The following AURKC variants were observed in gnomAD, a reference collection of about 807,000 sequenced individuals.
AURKC encodes the protein ARK-3.
AURKC carries 15 observed loss-of-function variants against 29.2 expected under a neutral mutation model. That is an observed-to-expected ratio of 0.51 (90% CI 0.34 to 0.79). The LOEUF (loss-of-function observed/expected upper bound fraction) is 0.79. AURKC is among the 30% of genes least tolerant of loss of function. The pLI, the probability that AURKC is intolerant of heterozygous loss-of-function variation, is 0.01. For synonymous variants in AURKC, 150 were observed against 149.9 expected (o/e 1.00, Z -0.01); for missense variants, 332 against 383.2 (o/e 0.87, Z 1.12).
chr19:57,234,326 G>A (rs141269973), intron 5 of AURKC, among the ~76,000 whole-genome samples: 1,883 of 152,282 alleles, frequency 0.012, 18 homozygotes, highest in Middle Eastern at 0.041. Context: ...AAAGTGCTGG[G>A]ATCATAGGCA....
chr19:57,231,448 C>T, intron 1 of AURKC, 142 bp downstream of exon 1: 4 of 984,368 alleles, frequency 4.1e-6, no homozygotes, highest in Non-Finnish European at 6.2e-6. Flanking sequence ...TCCCTCCCTT[C>T]CCTCCAATTC....
rs780948811 is a variant in AURKC at position 57,231,748 on chromosome 19, C to T, written c.65C>T (p.Thr22Ile). 3 of 1,613,944 alleles carry T rather than the reference C, an allele frequency of 1.9e-6. No homozygotes were observed. Among genetic ancestry groups the T allele is most frequent in the Non-Finnish European group, 2.5e-6 (3 of 1,180,016 alleles). Residue 22 changes from threonine (T) to isoleucine (I), a missense_variant, in exon 2 of 7, where the codon ACA (threonine) becomes ATA (isoleucine). Transcript: ENST00000302804. ...KAQPAGEELATANQTAQQPSS... is the reference protein window; with the variant it reads ...KAQPAGEELAIANQTAQQPSS... The stretch of plus-strand genomic sequence containing the variant: ...TCCTCCTCCTCTCTTTCAGTGGCTA[C>T]AGCAAACCAAACAGCCCAGCAGCCC...
At chr19:57,231,839 G>A in intron 2 of AURKC, 52 bp downstream of exon 2, 2 of 1,614,056 alleles carry the variant, frequency 1.2e-6, no homozygotes, top group Non-Finnish European at 1.7e-6. Flanking sequence ...GGGACGTGGG[G>A]ATGAAGAACA....
rs899153022 is a variant in AURKC at position 57,232,475 on chromosome 19, C to A, written c.297-67C>A. ...ATAATTTGCCACTTGTGTGACCAGG[C>A]AGTGACGGTGGCATCATATGATAGG... On this transcript the variant is annotated intron_variant, in intron 3 of 6. Coordinates refer to ENST00000302804, the MANE Select transcript of AURKC (RefSeq NM_001015878.2). This position sits in a 1 kb window ranked among gnomAD's most constrained non-coding sequence, Gnocchi z 4.5. 6.2e-7 allele frequency: 1 copy of A among 1,608,706 alleles called. No homozygotes were observed. Among genetic ancestry groups the A allele is most frequent in the African/African-American group, 1.3e-5 (1 of 74,828 alleles).
chr19:57,231,360 G>A (rs1038513219), intron 1 of AURKC, 54 bp downstream of exon 1: 1 of 1,544,322 alleles, frequency 6.5e-7, no homozygotes, highest in Non-Finnish European at 8.7e-7. Flanking sequence ...CTGGGCCAGG[G>A]GTCGGGTGCA....
chr19:57,232,686 G>A lies in AURKC; in HGVS notation c.435+6G>A, dbSNP rs1158678792. On this transcript the variant is annotated splice_donor_region_variant and intron_variant, in intron 4 of 6. Transcript: ENST00000302804. The surrounding 1 kb of genome is among the most constrained non-coding windows in gnomAD (Gnocchi z 4.5). ...ATGAACAGCGCACAGCCACGGTGAG[G>A]TGCGGGTCTGGAGGCTCTGGGGTCT... is the stretch of plus-strand genomic sequence containing the variant. 1 of 1,613,208 alleles carries A rather than the reference G, an allele frequency of 6.2e-7. No homozygotes were observed.
In AURKC at chr19:57,231,285, G is replaced by C; in HGVS notation, c.37G>C (p.Ala13Pro). 1 of 1,553,056 alleles carries C rather than the reference G, an allele frequency of 6.4e-7. No homozygotes were observed. Among genetic ancestry groups the C allele is most frequent in the East Asian group, 2.4e-5 (1 of 40,940 alleles). Residue 13 changes from alanine to proline, a missense_variant, in exon 1 of 7, where the codon GCT (alanine) becomes CCT (proline). Coordinates refer to ENST00000302804, the MANE Select transcript of AURKC (RefSeq NM_001015878.2). ...SPRAVVQLGK[A>P]QPAGEELATA... ...CAGAGCTGTGGTGCAGCTGGGCAAAGCTCAACCTGCAGGCGAAGAGTGTGA... is the reference window on the plus strand; with the variant it reads ...CAGAGCTGTGGTGCAGCTGGGCAAACCTCAACCTGCAGGCGAAGAGTGTGA...
chr19:57,231,924 C>A (rs1391244041), intron 2 of AURKC, 109 bp from the exon 3 acceptor site: 2 of 1,600,690 alleles, frequency 1.2e-6, no homozygotes, highest in Non-Finnish European at 1.7e-6. Flanking sequence ...GAAGGGAAAG[C>A]GGCAGAGGAA....
Position 57,231,770 on chromosome 19 carries a change from G to A in AURKC, c.87G>A (p.Gln29=). 2 of 1,613,826 alleles carry A rather than the reference G, an allele frequency of 1.2e-6. No homozygotes were observed. The highest frequency in any genetic ancestry group is 1.7e-6 in the Non-Finnish European group (2 of 1,179,988). ...ELATANQTAQ[Q]PSSPAMRRLT... is the part of the protein sequence containing the mutation. ...CTACAGCAAACCAAACAGCCCAGCA[G>A]CCCAGCAGCCCAGCCATGTGAGTCC... Residue 29 remains glutamine (Q), a synonymous_variant, in exon 2 of 7, where the codon CAG becomes CAA. Transcript: ENST00000302804.
At position 57,232,737 on chromosome 19, in the gene AURKC, G is replaced by T; in HGVS notation, c.435+57G>T. On this transcript the variant is annotated intron_variant, in intron 4 of 6. Transcript: ENST00000302804. The surrounding 1 kb of genome is among the most constrained non-coding windows in gnomAD (Gnocchi z 4.5). ...CTGAGTTTACTGTGGGCTGGTGGGA[G>T]CTCTGTTTGTGGCTGTCAGGAGGGT... The T allele has an allele frequency of 6.2e-7, 1 of 1,610,516 alleles. No individual in the cohort carries two copies. The highest frequency in any genetic ancestry group is 8.5e-7 in the Non-Finnish European group (1 of 1,179,308).
At chr19:57,234,624 A>C (rs951632280) in intron 5 of AURKC, among the ~76,000 whole-genome samples, 5 of 152,212 alleles carry the variant, frequency 3.3e-5, no homozygotes, top group Non-Finnish European at 7.3e-5. Context: ...AATGCTGAGA[A>C]TATTCTTGTG....
Position 57,233,608 on chromosome 19 carries a change from G to C in AURKC, c.584G>C (p.Arg195Thr). The change falls in exon 5 of 7, where the codon AGG (arginine) becomes ACG (threonine). Residue 195 changes from arginine to threonine, a missense_variant and splice_region_variant. By Grantham distance (71) the Arg-to-Thr change is moderately conservative. Coordinates refer to ENST00000302804, the MANE Select transcript of AURKC (RefSeq NM_001015878.2). ...FGWSVHTPSL[R>T]RKTMCGTLDY... The stretch of plus-strand genomic sequence containing the variant: ...TGGTCTGTGCACACCCCCTCCCTGA[G>C]GTAGGTCAGGTGGTGGTGGTAGGGT... 1 of 1,613,610 alleles carries C rather than the reference G, an allele frequency of 6.2e-7. No individual in the cohort carries two copies. The highest frequency in any genetic ancestry group is 1.1e-5 in the South Asian group (1 of 91,046).
At chr19:57,233,335 G>A in intron 4 of AURKC, 125 bp from the exon 5 acceptor site, 2 of 1,368,350 alleles carry the variant, frequency 1.5e-6, no homozygotes, top group Non-Finnish European at 2.1e-6. Flanking sequence ...AATTTAAAAG[G>A]AGGAAATGGA....
At chr19:57,233,338 G>A in intron 4 of AURKC, 122 bp from the exon 5 acceptor site, 1 of 1,397,068 alleles carries the variant, frequency 7.2e-7, no homozygotes. Context: ...TTAAAAGGAG[G>A]AAATGGAGTT....
At position 57,232,374 on chromosome 19, in the gene AURKC, A is replaced by ACCC; in HGVS notation, c.296+151_296+152insCCC. On this transcript the variant is annotated intron_variant, in intron 3 of 6. Transcript: ENST00000302804. This position sits in a 1 kb window ranked among gnomAD's most constrained non-coding sequence, Gnocchi z 4.5. ...CACTACCTCCTACCCTGGGTCAGAC[A>ACCC]CTCGAATCCTGGTTCCTGTTCTCCG... The ACCC allele has an allele frequency of 7.1e-7, 1 of 1,408,860 alleles. No individual in the cohort carries two copies. Among genetic ancestry groups the ACCC allele is most frequent in the Non-Finnish European group, 9.9e-7 (1 of 1,012,800 alleles). The allele number at this position is 1,408,860 out of a possible 1,614,324, so 87.3% of individuals were successfully genotyped here. A position where few individuals can be genotyped will look rare whatever the true frequency, so the allele number is the denominator to read the frequency against.
In AURKC at chr19:57,232,159, G is replaced by T; in HGVS notation, c.231G>T (p.Ser77=). 1 of 1,614,052 alleles carries T rather than the reference G, an allele frequency of 6.2e-7. No individual in the cohort carries two copies. Among genetic ancestry groups the T allele is most frequent in the Non-Finnish European group, 8.5e-7 (1 of 1,179,996 alleles). ...TGGCCCTGAAGGTTCTCTTCAAGTC[G>T]CAGATAGAGAAGGAAGGACTGGAGC... is the stretch of plus-strand genomic sequence containing the variant. ...FIVALKVLFK[S]QIEKEGLEHQ... The change falls in exon 3 of 7, where the codon TCG becomes TCT. Residue 77 remains serine, a synonymous_variant. Coordinates refer to ENST00000302804, the MANE Select transcript of AURKC (RefSeq NM_001015878.2). This position sits in a 1 kb window ranked among gnomAD's most constrained non-coding sequence, Gnocchi z 4.5.
At position 57,232,461 on chromosome 19, in the gene AURKC, C is replaced by G. The variant is rs78597513; in HGVS notation, c.297-81C>G. The G allele has an allele frequency of 3.1e-4, 499 of 1,604,330 alleles. No individual in the cohort carries two copies. The East Asian group carries it at 4.3e-3, about 14-fold the overall frequency. The stretch of plus-strand genomic sequence containing the variant: ...ATTCTGGTCCCAGCATAATTTGCCA[C>G]TTGTGTGACCAGGCAGTGACGGTGG... On this transcript the variant is annotated intron_variant, in intron 3 of 6. Transcript: ENST00000302804. This position sits in a 1 kb window ranked among gnomAD's most constrained non-coding sequence, Gnocchi z 4.5.
intron 1 of AURKC, 164 bp from the exon 2 acceptor site, chr19:57,231,577 TC>T: frequency 1.7e-6 from 1 of 599,966 alleles, no homozygotes; most frequent in Non-Finnish European, 2.8e-6. Flanking sequence ...TACCTCTCCC[TC>T]CCCCTCTCCC....
At chr19:57,234,513 G>A (rs1348411645) in intron 5 of AURKC, among the ~76,000 whole-genome samples, 1 of 152,118 alleles carries the variant, frequency 6.6e-6, no homozygotes, top group African/African-American at 2.4e-5. Context: ...CCAAAGGAGT[G>A]CATTTTTCTG....
Sources: allele counts gnomAD v4.1 joint callset (sites outside exome capture counted in the v4.1 genomes callset), GRCh38; gene constraint gnomAD v4.1.1; non-coding constraint Gnocchi (gnomAD v3.1); transcripts MANE v1.5; gene names NCBI Gene and HGNC (gene_info 2026-07-23, HGNC 2026-07-21).